EDIL3: variants seen among roughly 807,000 people sequenced by gnomAD.
EDIL3 encodes the protein EGF-like repeat and discoidin I-like domain-containing protein 3.
EDIL3 carries 37 observed loss-of-function variants against 67.4 expected under a neutral mutation model. The observed-to-expected ratio is 0.55, with a 90% confidence interval of 0.42 to 0.72. EDIL3 has a LOEUF of 0.72. Ranked by LOEUF, EDIL3 falls within the 30% of genes least tolerant of loss-of-function variation. The pLI is 0.00. For synonymous variants in EDIL3, 195 were observed against 196.3 expected (o/e 0.99, Z 0.05); for missense variants, 527 against 586.3 (o/e 0.90, Z 1.04).
intron 1 of EDIL3, among the ~76,000 whole-genome samples, chr5:84,357,496 A>G (rs1192190880): frequency 2.6e-5 from 4 of 152,184 alleles, no homozygotes; most frequent in Non-Finnish European, 5.9e-5. Context: ...GTGAAATTAT[A>G]CAGACACCCT....
intron 9 of EDIL3, among the ~76,000 whole-genome samples, chr5:84,056,238 G>A (rs953186977): frequency 1.3e-5 from 2 of 151,810 alleles, no homozygotes; most frequent in Non-Finnish European, 2.9e-5. Context: ...ACCAAACACC[G>A]CATGTTCTCA....
chr5:84,073,222 A>G (rs1037089428), intron 6 of EDIL3, among the ~76,000 whole-genome samples: 1 of 152,226 alleles, frequency 6.6e-6, no homozygotes, highest in Non-Finnish European at 1.5e-5. Context: ...TATCTATGAC[A>G]AACCCACAGC....
chr5:84,136,119 T>C (rs1462606524), intron 5 of EDIL3, among the ~76,000 whole-genome samples: 1 of 152,184 alleles, frequency 6.6e-6, no homozygotes, highest in African/African-American at 2.4e-5. Context: ...CATGTTTATA[T>C]TATACCTCTC....
chr5:84,141,910 TATATATATATATACAC>T (rs1404489033), intron 4 of EDIL3, among the ~76,000 whole-genome samples: 8 of 103,798 alleles, frequency 7.7e-5, no homozygotes, highest in African/African-American at 3.0e-4. Flanking sequence ...ACTACTCATA[TATATATATATATACAC>T]ATATATATAT....
chr5:84,243,011 C>A (rs1744829241), intron 2 of EDIL3, among the ~76,000 whole-genome samples: 1 of 152,010 alleles, frequency 6.6e-6, no homozygotes, highest in African/African-American at 2.4e-5. Flanking sequence ...ATCACAGAAT[C>A]CCCTTCCCGT....
chr5:84,084,160 A>C (rs896455368), intron 6 of EDIL3, among the ~76,000 whole-genome samples: 1 of 152,182 alleles, frequency 6.6e-6, no homozygotes, highest in Non-Finnish European at 1.5e-5. Context: ...AGGAGGGAAA[A>C]TATAGAGTAT....
intron 3 of EDIL3, among the ~76,000 whole-genome samples, chr5:84,199,799 T>C (rs1743793885): frequency 6.6e-6 from 1 of 152,008 alleles, no homozygotes. Flanking sequence ...AAAAACAGGC[T>C]TCCATGTATC....
At chr5:83,946,933 G>T (rs1216719035) in intron 10 of EDIL3, among the ~76,000 whole-genome samples, 1 of 151,842 alleles carries the variant, frequency 6.6e-6, no homozygotes, top group Non-Finnish European at 1.5e-5. Context: ...GATTACCATT[G>T]TTCTAACTTT....
Position 84,304,160 on chromosome 5 carries a change from A to G in EDIL3, c.68-49948T>C, listed in dbSNP as rs187441282. On this transcript the variant is annotated intron_variant, in intron 1 of 10. Coordinates refer to ENST00000296591, the MANE Select transcript of EDIL3 (RefSeq NM_005711.5). ...ACAGAAGTAGATGGTATAGTAAATA[A>G]TATAGCTCATCCTATATCCTGTCTT... Among the ~76,000 whole-genome samples the G allele has an allele frequency of 5.3e-5, 8 of 152,320 alleles. No individual in the cohort carries two copies. The East Asian group carries it at 9.6e-4, about 18-fold the overall frequency.
At chr5:84,074,118 A>G (rs1746802775) in intron 6 of EDIL3, among the ~76,000 whole-genome samples, 1 of 151,900 alleles carries the variant, frequency 6.6e-6, no homozygotes, top group African/African-American at 2.4e-5. Flanking sequence ...TATTTAATAA[A>G]TGGTGCTGGG....
intron 9 of EDIL3, among the ~76,000 whole-genome samples, chr5:84,030,809 T>C (rs1235678494): frequency 2.6e-5 from 4 of 152,126 alleles, no homozygotes; most frequent in African/African-American, 9.7e-5. Flanking sequence ...GTTTTCAGAT[T>C]CTCCCACGTC....
intron 5 of EDIL3, among the ~76,000 whole-genome samples, chr5:84,115,850 GA>G (rs1747654480): frequency 6.6e-6 from 1 of 152,164 alleles, no homozygotes; most frequent in Non-Finnish European, 1.5e-5. Flanking sequence ...CTAAAAGAGG[GA>G]CTGAGTTGCT....
chr5:84,107,539 T>TA (rs1315018300), intron 5 of EDIL3, among the ~76,000 whole-genome samples: 6 of 151,540 alleles, frequency 4.0e-5, no homozygotes, highest in African/African-American at 1.4e-4. Context: ...TATTAGCACT[T>TA]TAGTTTCAAA....
intron 4 of EDIL3, among the ~76,000 whole-genome samples, chr5:84,138,878 A>T (rs1748139032): frequency 6.6e-6 from 1 of 152,182 alleles, no homozygotes; most frequent in Non-Finnish European, 1.5e-5. Flanking sequence ...AGTACCTCAT[A>T]ACTTCAAATA....
chr5:84,299,027 C>T (rs1198293669), intron 1 of EDIL3, among the ~76,000 whole-genome samples: 1 of 152,272 alleles, frequency 6.6e-6, no homozygotes, highest in South Asian at 2.1e-4. Flanking sequence ...GGAGCCATAA[C>T]CCGCAGCTAA....
chr5:84,361,703 G>C (rs1747613413), intron 1 of EDIL3, among the ~76,000 whole-genome samples: 1 of 151,096 alleles, frequency 6.6e-6, no homozygotes, highest in African/African-American at 2.4e-5. Context: ...ATTAATAAAA[G>C]TTTTCTGGGA....
rs1580058345 is a variant in EDIL3, at chr5:84,291,700, ATCTATGTAGATCTATC to A, written c.68-37504_68-37489del. 2.8e-5 allele frequency among the ~76,000 whole-genome samples: 4 copies of A among 144,068 alleles called. No individual in the cohort carries two copies. The Admixed American group carries it at 2.9e-4, about 11-fold the overall frequency. The allele number at this position is 144,068 out of a possible 152,430, so 94.5% of individuals were successfully genotyped here. A position where few individuals can be genotyped will look rare whatever the true frequency, so the allele number is the denominator to read the frequency against. On this transcript the variant is annotated intron_variant, in intron 1 of 10. Coordinates refer to ENST00000296591, the MANE Select transcript of EDIL3 (RefSeq NM_005711.5). ...TCTATATAGATATATCTATATATCT[ATCTATGTAGATCTATC>A]TATATATCTATATAGATCTATCTAT...
chr5:84,072,646 T>A (rs1370875489), intron 6 of EDIL3, among the ~76,000 whole-genome samples: 1 of 152,186 alleles, frequency 6.6e-6, no homozygotes, highest in African/African-American at 2.4e-5. Context: ...ATGAGTAAAC[T>A]GATGTTGGCA....
chr5:84,131,046 A>C (rs1747957622), intron 5 of EDIL3, among the ~76,000 whole-genome samples: 1 of 152,172 alleles, frequency 6.6e-6, no homozygotes, highest in Non-Finnish European at 1.5e-5. Context: ...TGTTTGCATA[A>C]ATAATAAAAC....
Sources: allele counts gnomAD v4.1 joint callset (sites outside exome capture counted in the v4.1 genomes callset), GRCh38; gene constraint gnomAD v4.1.1; transcripts MANE v1.5; gene names NCBI Gene and HGNC (gene_info 2026-07-23, HGNC 2026-07-21).